Variants in EPS15L1 observed in about 807,000 individuals in gnomAD.
EPS15L1 encodes the protein epidermal growth factor receptor pathway substrate 15 like 1.
A neutral mutation model predicts 117.1 loss-of-function variants in EPS15L1; 43 were observed. The observed-to-expected ratio is 0.37, with a 90% CI of 0.29 to 0.47. The LOEUF is 0.47. EPS15L1 is among the 20% of genes least tolerant of loss of function. EPS15L1 has a pLI of 0.99. For synonymous variants in EPS15L1, 459 were observed against 470.5 expected (o/e 0.98, Z 0.32); for missense variants, 981 against 1,164.0 (o/e 0.84, Z 2.29).
intron 1 of EPS15L1, among the ~76,000 whole-genome samples, chr19:16,444,693 G>A (rs1196359294): frequency 6.6e-6 from 1 of 151,592 alleles, no homozygotes; most frequent in East Asian, 1.9e-4. Context: ...CCAATGATCA[G>A]AGAGGTCTGG....
Position 16,456,449 on chromosome 19 carries a change from G to C in EPS15L1, c.34-14230C>G, listed in dbSNP as rs186440836. 5.5e-3 allele frequency among the ~76,000 whole-genome samples: 843 copies of C among 151,948 alleles called. 11 individuals are homozygous for C. The highest frequency in any genetic ancestry group is 0.019 in the African/African-American group (783 of 41,448). On this transcript the variant is annotated intron_variant, in intron 1 of 23. Coordinates refer to ENST00000455140, the MANE Select transcript of EPS15L1 (RefSeq NM_001258374.3). ...AGGTGGGTGGATCACATGAGGTCAGGAGTTCGAGACCAGCCTGGCCAACAT... is the reference window on the plus strand; with the variant it reads ...AGGTGGGTGGATCACATGAGGTCAGCAGTTCGAGACCAGCCTGGCCAACAT...
intron 22 of EPS15L1, among the ~76,000 whole-genome samples, chr19:16,375,543 A>C (rs1395903411): frequency 1.3e-5 from 2 of 152,130 alleles, no homozygotes; most frequent in Admixed American, 1.3e-4. Context: ...CTGCCGTTCC[A>C]TCAGGAAGCC....
chr19:16,378,700 G>A (rs1027014843), intron 21 of EPS15L1, among the ~76,000 whole-genome samples: 4 of 152,164 alleles, frequency 2.6e-5, no homozygotes, highest in Admixed American at 6.5e-5. Flanking sequence ...TTGGAGCGCC[G>A]GTGAGGCACA....
chr19:16,460,409 C>T (rs988939769), intron 1 of EPS15L1, among the ~76,000 whole-genome samples: 6 of 152,198 alleles, frequency 3.9e-5, no homozygotes, highest in African/African-American at 1.4e-4. Flanking sequence ...AATTAAAGGA[C>T]ATTTTAAATG....
intron 6 of EPS15L1, among the ~76,000 whole-genome samples, chr19:16,435,618 C>T (rs139563148): frequency 1.9e-3 from 286 of 152,144 alleles, no homozygotes; most frequent in South Asian, 8.1e-3. Flanking sequence ...GCTTTCACAG[C>T]TGTTGGTGCT....
rs889994307 is a variant in EPS15L1 at position 16,402,188 on chromosome 19, C to CA, written c.1791+132dup. On this transcript the variant is annotated intron_variant, in intron 16 of 23. Coordinates refer to ENST00000455140, the MANE Select transcript of EPS15L1 (RefSeq NM_001258374.3). ...CTGGTGTGAACGCGCAAAGTGGCAGCAAAAACAACAGACAGCCGCCTGCAC... is the reference window on the plus strand; with the variant it reads ...CTGGTGTGAACGCGCAAAGTGGCAGCAAAAAACAACAGACAGCCGCCTGCAC... The CA allele has an allele frequency of 1.4e-5, 21 of 1,462,580 alleles. No individual in the cohort carries two copies. The African/African-American group carries it at 2.8e-4, about 20-fold the overall frequency. 90.6% of individuals were successfully genotyped at this position (1,462,580 alleles called of 1,614,324 possible).
chr19:16,369,012 G>T (rs1466375966), intron 22 of EPS15L1, among the ~76,000 whole-genome samples: 2 of 152,240 alleles, frequency 1.3e-5, no homozygotes, highest in African/African-American at 4.8e-5. Context: ...GCTGCGGGGA[G>T]AGGGGAGAAA....
chr19:16,440,493 G>A (rs769246265), intron 4 of EPS15L1, among the ~76,000 whole-genome samples: 3 of 152,148 alleles, frequency 2.0e-5, no homozygotes, highest in Non-Finnish European at 4.4e-5. Flanking sequence ...CTGTGGTTAT[G>A]TAAGACACCA....
At chr19:16,393,864 T>C (rs1021709218) in intron 18 of EPS15L1, 87 bp downstream of exon 18, 121 of 1,291,838 alleles carry the variant, frequency 9.4e-5, no homozygotes, top group Non-Finnish European at 1.2e-4. Context: ...ATCCCCGGTG[T>C]ATGTGGACAC....
intron 3 of EPS15L1, chr19:16,441,564 G>A (rs1450837139): frequency 5.5e-6 from 1 of 181,934 alleles, no homozygotes. Flanking sequence ...GGGAGGAGGA[G>A]GTTGCAGTGA....
At chr19:16,414,683 G>A (rs2092740702) in intron 12 of EPS15L1, among the ~76,000 whole-genome samples, 1 of 150,264 alleles carries the variant, frequency 6.7e-6, no homozygotes, top group African/African-American at 2.5e-5. Context: ...ATAGGCGTGA[G>A]CCAACACGCC....
rs914351028 is a variant in EPS15L1, at chr19:16,409,896, C to A, written c.1266+3877G>T. Among the ~76,000 whole-genome samples the A allele has an allele frequency of 1.3e-4, 19 of 144,468 alleles. No homozygotes were observed. In the East Asian group the frequency reaches 3.8e-3, roughly 29 times the overall value. The allele number at this position is 144,468 out of a possible 152,430, so 94.8% of individuals were successfully genotyped here. A position where few individuals can be genotyped will look rare whatever the true frequency, so the allele number is the denominator to read the frequency against. On this transcript the variant is annotated intron_variant, in intron 13 of 23. Transcript: ENST00000455140. ...GAGGTTGCAGTGAGCTGAGATCGCACCACTGCACTCCAGCCTGGGCCACAG... is the reference window on the plus strand; with the variant it reads ...GAGGTTGCAGTGAGCTGAGATCGCAACACTGCACTCCAGCCTGGGCCACAG...
At position 16,365,676 on chromosome 19, in the gene EPS15L1, C is replaced by A. The variant is rs1374663148; in HGVS notation, c.2381-3692G>T. Among the ~76,000 whole-genome samples the A allele has an allele frequency of 6.6e-6, 1 of 152,252 alleles. No homozygotes were observed. Among genetic ancestry groups the A allele is most frequent in the Non-Finnish European group, 1.5e-5 (1 of 68,046 alleles). Reference sequence around the variant, plus strand: ...CAGTGACCTCAGCCAGTCCCTCGAGCCCCTGCCTGCTTCTGCCCAGCTTCT... The same window carrying A: ...CAGTGACCTCAGCCAGTCCCTCGAGACCCTGCCTGCTTCTGCCCAGCTTCT... On this transcript the variant is annotated intron_variant, in intron 22 of 23. Coordinates refer to ENST00000455140, the MANE Select transcript of EPS15L1 (RefSeq NM_001258374.3). This position sits in a 1 kb window ranked among gnomAD's most constrained non-coding sequence, Gnocchi z 4.9.
At chr19:16,358,338 C>T (rs977524612) in intron 23 of EPS15L1, 2 of 152,644 alleles carry the variant, frequency 1.3e-5, no homozygotes, top group Admixed American at 6.6e-5. Flanking sequence ...CCTGGGAGAG[C>T]TCTCCTGAAA....
chr19:16,418,534 G>A (rs529220325), intron 10 of EPS15L1, among the ~76,000 whole-genome samples: 1 of 152,302 alleles, frequency 6.6e-6, no homozygotes, highest in East Asian at 1.9e-4. Context: ...GAATGGCCCC[G>A]GCTACTGGCC....
rs781101518 is a variant in EPS15L1, at chr19:16,402,460, T to C, written c.1652A>G (p.His551Arg). 8 of 1,608,748 alleles carry C rather than the reference T, an allele frequency of 5.0e-6. No individual in the cohort carries two copies. The highest frequency in any genetic ancestry group is 1.1e-5 in the South Asian group (1 of 90,434). The change falls in exon 16 of 24, where the codon CAT becomes CGT. Residue 551 changes from histidine to arginine, a missense_variant. Physicochemically the swap from His to Arg is conservative, Grantham distance 29. Around this residue, in one of 5 missense-constraint regions of EPS15L1, gnomAD observed 819 missense variants for 949.0 expected, o/e 0.86. Transcript: ENST00000455140. ...CCTGTGGGCCTCCTGGCGGCTTTCA[T>C]GCAGCTGGGAAAGTTTGCTCCTTGC... The part of the protein sequence containing the change: ...NQARSKLSQL[H>R]ESRQEAHRSL...
At chr19:16,411,632 T>C (rs1232133739) in intron 13 of EPS15L1, among the ~76,000 whole-genome samples, 1 of 152,218 alleles carries the variant, frequency 6.6e-6, no homozygotes, top group Non-Finnish European at 1.5e-5. Context: ...TGCTCAAGTG[T>C]GACATAAAAC....
At chr19:16,422,192 T>C (rs917621459) in intron 9 of EPS15L1, among the ~76,000 whole-genome samples, 5 of 152,120 alleles carry the variant, frequency 3.3e-5, no homozygotes, top group African/African-American at 1.2e-4. Context: ...GCGACCCCTC[T>C]CGCCACCAGC....
intron 15 of EPS15L1, 116 bp from the exon 16 acceptor site, chr19:16,402,601 G>A: frequency 1.0e-6 from 1 of 1,003,016 alleles, no homozygotes; most frequent in Non-Finnish European, 1.4e-6. Context: ...GAATGTAGTG[G>A]AGTGATCATA....
Sources: gnomAD v4.1 joint callset for allele counts (sites outside exome capture counted in the v4.1 genomes callset) on GRCh38, gnomAD v4.1.1 for gene constraint, gnomAD v4.1.1 regional missense constraint, Gnocchi (gnomAD v3.1) non-coding constraint, MANE v1.5 for transcripts, NCBI Gene and HGNC (gene_info 2026-07-23, HGNC 2026-07-21) for gene names.